Variants in DLGAP2 observed in about 807,000 individuals in gnomAD.
DLGAP2 encodes the protein DLG associated protein 2, also known as disks large-associated protein 2.
In DLGAP2, 26 loss-of-function variants were observed where a neutral mutation model predicts 100.3. The ratio of observed to expected loss-of-function variants is 0.26; its 90% CI spans 0.19 to 0.36. The LOEUF is 0.36. Among genes scored for constraint, DLGAP2 ranks in the 10% least tolerant of loss-of-function variants. The pLI is 1.00. For synonymous variants in DLGAP2, 886 were observed against 630.1 expected (o/e 1.41, Z -6.08); for missense variants, 1,858 against 1,453.2 (o/e 1.28, Z -4.53).
chr8:1,116,813 A>G (rs953857294), intron 2 of DLGAP2, among the ~76,000 whole-genome samples: 16 of 152,140 alleles, frequency 1.1e-4, no homozygotes, highest in Middle Eastern at 3.4e-3. Flanking sequence ...AAAAAAGAGA[A>G]AAAAAAAGAG....
intron 6 of DLGAP2, among the ~76,000 whole-genome samples, chr8:1,576,438 A>C (rs919802395): frequency 6.6e-6 from 1 of 152,146 alleles, no homozygotes; most frequent in Non-Finnish European, 1.5e-5. Context: ...CTCTGATAGT[A>C]GTTTCTTTTG....
intron 3 of DLGAP2, among the ~76,000 whole-genome samples, chr8:1,275,836 A>ATAATATATAAATATATG (rs1799674331): frequency 8.1e-6 from 1 of 123,226 alleles, no homozygotes; most frequent in Admixed American, 1.1e-4. Flanking sequence ...AAATAAATAT[A>ATAATATATAAATATATG]TAATATATAA....
intron 4 of DLGAP2, among the ~76,000 whole-genome samples, chr8:1,546,892 G>A (rs1382841963): frequency 6.6e-6 from 1 of 152,168 alleles, no homozygotes; most frequent in Non-Finnish European, 1.5e-5. Flanking sequence ...TCCAGGAGAG[G>A]CAGGTATTGG....
At chr8:1,274,606 A>G (rs1316072658) in intron 3 of DLGAP2, among the ~76,000 whole-genome samples, 2 of 151,946 alleles carry the variant, frequency 1.3e-5, no homozygotes, top group African/African-American at 4.8e-5. Flanking sequence ...CATAAACCAT[A>G]AAATGAGTGA....
chr8:1,179,983 T>C (rs1311212577), intron 2 of DLGAP2, among the ~76,000 whole-genome samples: 1 of 152,250 alleles, frequency 6.6e-6, no homozygotes, highest in Non-Finnish European at 1.5e-5. Context: ...GCAATTAAAA[T>C]ACTTGGTGTT....
intron 2 of DLGAP2, among the ~76,000 whole-genome samples, chr8:1,143,624 A>G (rs1796558336): frequency 6.6e-6 from 1 of 152,190 alleles, no homozygotes; most frequent in African/African-American, 2.4e-5. Context: ...TGCAGGCGGC[A>G]TCTGAGAGGC....
At chr8:886,572 C>G (rs539039317) in intron 1 of DLGAP2, among the ~76,000 whole-genome samples, 56 of 152,278 alleles carry the variant, frequency 3.7e-4, no homozygotes, top group East Asian at 1.5e-3. Context: ...TACGTTGTCT[C>G]TTTGTTCTCA....
At chr8:1,003,880 A>G (rs1801032468) in intron 2 of DLGAP2, among the ~76,000 whole-genome samples, 1 of 152,230 alleles carries the variant, frequency 6.6e-6, no homozygotes, top group African/African-American at 2.4e-5. Flanking sequence ...CAAGCCATAC[A>G]GACATTTCTT....
chr8:1,385,366 C>T (rs528913886), intron 3 of DLGAP2, among the ~76,000 whole-genome samples: 1 of 20,114 alleles, frequency 5.0e-5, no homozygotes, highest in African/African-American at 2.8e-4. Flanking sequence ...GAACTTGGTG[C>T]ACAGTTACCC....
intron 2 of DLGAP2, among the ~76,000 whole-genome samples, chr8:1,129,171 C>T (rs916849538): frequency 6.6e-6 from 1 of 152,034 alleles, no homozygotes; most frequent in Non-Finnish European, 1.5e-5. Flanking sequence ...TGTGGGAGGC[C>T]AAGGTGGGTG....
intron 1 of DLGAP2, among the ~76,000 whole-genome samples, chr8:747,064 G>A (rs899297863): frequency 5.3e-5 from 8 of 151,818 alleles, no homozygotes; most frequent in African/African-American, 1.9e-4. Flanking sequence ...GGTTTTACTC[G>A]CCCTCCTGGC....
At chr8:1,449,361 GCA>G (rs1347304423) in intron 3 of DLGAP2, among the ~76,000 whole-genome samples, 1 of 152,184 alleles carries the variant, frequency 6.6e-6, no homozygotes, top group Admixed American at 6.5e-5. Context: ...TCCAGCCCAG[GCA>G]GCTGCAGGAA....
chr8:1,527,640 CCTAT>C (rs1448746068), intron 4 of DLGAP2, among the ~76,000 whole-genome samples: 4 of 152,260 alleles, frequency 2.6e-5, no homozygotes, highest in East Asian at 3.9e-4. Context: ...CCTTTTATAA[CCTAT>C]CTATGTGGGA....
At chr8:1,149,019 T>G (rs1414133188) in intron 2 of DLGAP2, among the ~76,000 whole-genome samples, 5 of 152,246 alleles carry the variant, frequency 3.3e-5, no homozygotes, top group African/African-American at 1.2e-4. Context: ...TATCCAGGTT[T>G]GTTTATTTTT....
chr8:1,255,124 CCTGCCCGGGCGCTGAGTGTGTGTCCT>C (rs1799162055), intron 2 of DLGAP2, among the ~76,000 whole-genome samples: 1 of 141,208 alleles, frequency 7.1e-6, no homozygotes. Context: ...TGTGTCCTCT[CCTGCCCGGGCGCTGAGTGTGTGTCCT>C]CTCCTGCCCG....
At chr8:1,325,421 C>T (rs2117047075) in intron 3 of DLGAP2, among the ~76,000 whole-genome samples, 1 of 152,366 alleles carries the variant, frequency 6.6e-6, no homozygotes, top group African/African-American at 2.4e-5. Context: ...CCCGACCCTG[C>T]AGCCCGGCTG....
At chr8:1,434,403 G>C (rs1256581409) in intron 3 of DLGAP2, among the ~76,000 whole-genome samples, 1 of 152,276 alleles carries the variant, frequency 6.6e-6, no homozygotes, top group South Asian at 2.1e-4. Flanking sequence ...TCCTGTGTAA[G>C]AGAGAGCCCT....
At chr8:978,914 A>G (rs954476632) in intron 2 of DLGAP2, among the ~76,000 whole-genome samples, 3 of 152,184 alleles carry the variant, frequency 2.0e-5, no homozygotes, top group African/African-American at 7.2e-5. Context: ...TATTGCAAAA[A>G]TAACTCCGTA....
chr8:1,238,534 G>C (rs569479551), intron 2 of DLGAP2, among the ~76,000 whole-genome samples: 1 of 69,498 alleles, frequency 1.4e-5, no homozygotes, highest in Admixed American at 1.4e-4. Context: ...CGCCGTGTCT[G>C]GTTCTCTCAC....
Sources: gnomAD v4.1 joint callset for allele counts (sites outside exome capture counted in the v4.1 genomes callset) on GRCh38, gnomAD v4.1.1 for gene constraint, MANE v1.5 for transcripts, NCBI Gene and HGNC (gene_info 2026-07-23, HGNC 2026-07-21) for gene names.